LMO3: variants seen among roughly 807,000 people sequenced by gnomAD.
The protein encoded by LMO3 is LIM domain only protein 3.
Under a neutral mutation model 15.8 loss-of-function variants are expected in LMO3, and 2 were observed. The observed-to-expected ratio is 0.13, with a 90% CI of 0.05 to 0.40. The LOEUF is 0.40. Ranked by LOEUF, LMO3 falls within the 10% of genes least tolerant of loss-of-function variation. The pLI, the probability that LMO3 is intolerant of heterozygous loss-of-function variation, is 0.99. For missense variants in LMO3, 86 were observed against 182.2 expected (o/e 0.47, Z 3.04); for synonymous variants, 62 against 63.8 (o/e 0.97, Z 0.13).
At chr12:16,570,539 G>A (rs568470976) in intron 2 of LMO3, among the ~76,000 whole-genome samples, 89 of 152,144 alleles carry the variant, frequency 5.8e-4, no homozygotes, top group African/African-American at 2.1e-3. Context: ...AAATAATCCT[G>A]GGAATGACAT....
At position 16,585,456 on chromosome 12, in the gene LMO3, G is replaced by A. The variant is rs1032922253; in HGVS notation, c.206+15199C>T. On this transcript the variant is annotated intron_variant, in intron 2 of 3. Coordinates refer to ENST00000537304, the MANE Select transcript of LMO3 (RefSeq NM_018640.5). This position sits in a 1 kb window ranked among gnomAD's most constrained non-coding sequence, Gnocchi z 4.7. ...TTCATCCTACACAGTGAGCATAAAT[G>A]TTGTTTCAAATATTGTTCCCAAATA... 3.3e-5 allele frequency among the ~76,000 whole-genome samples: 5 copies of A among 152,150 alleles called. No individual in the cohort carries two copies. The highest frequency in any genetic ancestry group is 1.2e-4 in the African/African-American group (5 of 41,434).
At chr12:16,565,792 C>T (rs1565487962) in intron 2 of LMO3, among the ~76,000 whole-genome samples, 1 of 150,588 alleles carries the variant, frequency 6.6e-6, no homozygotes, top group Non-Finnish European at 1.5e-5. Flanking sequence ...GGAGGTTCCT[C>T]AAAAAAATTA....
chr12:16,581,599 C>T (rs1164966859), intron 2 of LMO3, among the ~76,000 whole-genome samples: 1 of 152,144 alleles, frequency 6.6e-6, no homozygotes, highest in African/African-American at 2.4e-5. Context: ...ATTCTGTTGA[C>T]TTTCTTTCAC....
intron 2 of LMO3, among the ~76,000 whole-genome samples, chr12:16,563,538 TTAAC>T (rs1202232736): frequency 2.0e-5 from 3 of 152,166 alleles, no homozygotes; most frequent in African/African-American, 4.8e-5. Flanking sequence ...AAACAGTCTC[TTAAC>T]TATCTAATTC....
intron 2 of LMO3, among the ~76,000 whole-genome samples, chr12:16,580,569 CAGGTAGT>C (rs1943128504): frequency 2.6e-5 from 4 of 152,082 alleles, no homozygotes. Context: ...GAACAAGGAT[CAGGTAGT>C]AGATTATATA....
chr12:16,583,189 A>T (rs529341695), intron 2 of LMO3, among the ~76,000 whole-genome samples: 1 of 152,330 alleles, frequency 6.6e-6, no homozygotes, highest in Non-Finnish European at 1.5e-5. Flanking sequence ...CATTGGCTTT[A>T]GCAATTGGAT....
intron 2 of LMO3, among the ~76,000 whole-genome samples, chr12:16,588,835 T>A (rs1943403363): frequency 6.6e-6 from 1 of 152,106 alleles, no homozygotes; most frequent in Non-Finnish European, 1.5e-5. Context: ...CTTCTCCTCA[T>A]GTTTAATTTC....
At chr12:16,558,808 A>T (rs1285288698) in intron 3 of LMO3, among the ~76,000 whole-genome samples, 1 of 152,206 alleles carries the variant, frequency 6.6e-6, no homozygotes, top group East Asian at 1.9e-4. Flanking sequence ...TTGGTAAATT[A>T]TAAAGATAAC....
intron 2 of LMO3, among the ~76,000 whole-genome samples, chr12:16,564,460 G>T (rs374258114): frequency 6.6e-6 from 1 of 152,186 alleles, no homozygotes; most frequent in Non-Finnish European, 1.5e-5. Context: ...CTGCGGACTG[G>T]GGGTAGGGAA....
rs1215786741 is a variant in LMO3, at chr12:16,555,618, C to T, written c.333-4291G>A. 3.3e-5 allele frequency among the ~76,000 whole-genome samples: 5 copies of T among 152,138 alleles called. No individual in the cohort carries two copies. In the East Asian group the frequency reaches 9.6e-4, roughly 29 times the overall value. On this transcript the variant is annotated intron_variant, in intron 3 of 3. Coordinates refer to ENST00000537304, the MANE Select transcript of LMO3 (RefSeq NM_018640.5). The surrounding 1 kb of genome is among the most constrained non-coding windows in gnomAD (Gnocchi z 5.5). The stretch of plus-strand genomic sequence containing the variant: ...ATTCATTTTGACTTTTATTTAATGG[C>T]TTTTCAAAGACTAAGTTTACAATTT...
Position 16,597,003 on chromosome 12 carries a change from T to C in LMO3, c.206+3652A>G, listed in dbSNP as rs1943679736. ...ATAAATATTGACTGGGTAGATTTCA[T>C]AATTTCAGTCAGAAACATGTTAGAG... On this transcript the variant is annotated intron_variant, in intron 2 of 3. Transcript: ENST00000537304. This position sits in a 1 kb window ranked among gnomAD's most constrained non-coding sequence, Gnocchi z 5.0. Among the ~76,000 whole-genome samples the C allele has an allele frequency of 6.6e-6, 1 of 151,840 alleles. No homozygotes were observed. Among genetic ancestry groups the C allele is most frequent in the African/African-American group, 2.4e-5 (1 of 41,430 alleles).
intron 3 of LMO3, among the ~76,000 whole-genome samples, chr12:16,556,262 T>A (rs533528771): frequency 3.3e-5 from 5 of 152,332 alleles, no homozygotes. Flanking sequence ...ATTAACCTGT[T>A]ATATAGAATC....
In LMO3 at chr12:16,600,886, C is replaced by CA; in HGVS notation, c.-8-19dup. The stretch of plus-strand genomic sequence containing the variant: ...TTGTATACCTAAAGGAAGACAAAAG[C>CA]AAAAAAGAGAGCTGAGACTACCAGA... On this transcript the variant is annotated intron_variant, in intron 1 of 3. Transcript: ENST00000537304. 3.2e-6 allele frequency: 5 copies of CA among 1,566,464 alleles called. No homozygotes were observed. The highest frequency in any genetic ancestry group is 4.4e-6 in the Non-Finnish European group (5 of 1,146,294).
rs1943004661 is a variant in LMO3, at chr12:16,576,639, T to A, written c.207-16101A>T. On this transcript the variant is annotated intron_variant, in intron 2 of 3. Coordinates refer to ENST00000537304, the MANE Select transcript of LMO3 (RefSeq NM_018640.5). This position sits in a 1 kb window ranked among gnomAD's most constrained non-coding sequence, Gnocchi z 4.1. ...ATAAGCTCCCTGAAAACTTGCCTTCTCCTTTACTCTGCACCTAACACATGT... is the reference window on the plus strand; with the variant it reads ...ATAAGCTCCCTGAAAACTTGCCTTCACCTTTACTCTGCACCTAACACATGT... 6.6e-6 allele frequency among the ~76,000 whole-genome samples: 1 copy of A among 152,212 alleles called. No homozygotes were observed. Among genetic ancestry groups the A allele is most frequent in the African/African-American group, 2.4e-5 (1 of 41,456 alleles).
intron 2 of LMO3, among the ~76,000 whole-genome samples, chr12:16,570,909 A>G (rs1209417289): frequency 1.3e-5 from 2 of 152,150 alleles, no homozygotes; most frequent in Non-Finnish European, 2.9e-5. Context: ...ACTTACTTCA[A>G]GAAAAAGTGC....
rs1303452653 is a variant in LMO3, at chr12:16,598,192, G to A, written c.206+2463C>T. ...TTGAACATCTACACAATTTCACTGA[G>A]ACACATGCTTTCCACATAAAACTAA... On this transcript the variant is annotated intron_variant, in intron 2 of 3. Coordinates refer to ENST00000537304, the MANE Select transcript of LMO3 (RefSeq NM_018640.5). This position sits in a 1 kb window ranked among gnomAD's most constrained non-coding sequence, Gnocchi z 4.3. 6.6e-6 allele frequency: 1 copy of A among 151,986 alleles called. No homozygotes were observed. Among genetic ancestry groups the A allele is most frequent in the Non-Finnish European group, 1.5e-5 (1 of 67,928 alleles). 9.4% of individuals were successfully genotyped at this position (151,986 alleles called of 1,614,324 possible). A position where few individuals can be genotyped will look rare whatever the true frequency, so the allele number is the denominator to read the frequency against.
rs185318231 is a variant in LMO3, at chr12:16,571,806, T to C, written c.207-11268A>G. On this transcript the variant is annotated intron_variant, in intron 2 of 3. Coordinates refer to ENST00000537304, the MANE Select transcript of LMO3 (RefSeq NM_018640.5). ...AACTGGATCATTCAGCTAACACTAA[T>C]TTAGAAAATCTGACTTAGTTTTCAG... 1.0e-3 allele frequency among the ~76,000 whole-genome samples: 152 copies of C among 152,168 alleles called. 2 individuals carry two copies. Among genetic ancestry groups the C allele is most frequent in the African/African-American group, 3.6e-3 (150 of 41,576 alleles).
Position 16,587,273 on chromosome 12 carries a change from C to T in LMO3, c.206+13382G>A, listed in dbSNP as rs1442937828. On this transcript the variant is annotated intron_variant, in intron 2 of 3. Coordinates refer to ENST00000537304, the MANE Select transcript of LMO3 (RefSeq NM_018640.5). This position sits in a 1 kb window ranked among gnomAD's most constrained non-coding sequence, Gnocchi z 4.3. Reference sequence around the variant, plus strand: ...CATTTTAAGAAAATCACTGGGTGTGCCTAGGATCCAATGCTAACAATTTGT... The same window carrying T: ...CATTTTAAGAAAATCACTGGGTGTGTCTAGGATCCAATGCTAACAATTTGT... Among the ~76,000 whole-genome samples the T allele has an allele frequency of 6.6e-6, 1 of 152,104 alleles. No homozygotes were observed. The highest frequency in any genetic ancestry group is 1.5e-5 in the Non-Finnish European group (1 of 68,010).
chr12:16,595,685 A>G (rs1262032938), intron 2 of LMO3, among the ~76,000 whole-genome samples: 1 of 151,486 alleles, frequency 6.6e-6, no homozygotes, highest in Admixed American at 6.6e-5. Flanking sequence ...TGTAACAGAT[A>G]TGGAGTTCAA....
Sources: allele counts gnomAD v4.1 joint callset (sites outside exome capture counted in the v4.1 genomes callset), GRCh38; gene constraint gnomAD v4.1.1; non-coding constraint Gnocchi (gnomAD v3.1); transcripts MANE v1.5; gene names NCBI Gene and HGNC (gene_info 2026-07-23, HGNC 2026-07-21).